The following EVL variants were observed in gnomAD, a reference collection of about 807,000 sequenced individuals.
EVL encodes Enah/Vasp-like.
Under a neutral mutation model 59.6 loss-of-function variants are expected in EVL, and 21 were observed. That is an observed-to-expected ratio of 0.35 (90% CI 0.25 to 0.51). EVL has a LOEUF of 0.51. Among genes scored for constraint, EVL ranks in the 20% least tolerant of loss-of-function variants. The pLI is 0.97. For synonymous variants in EVL, 198 were observed against 203.5 expected (o/e 0.97, Z 0.23); for missense variants, 462 against 546.6 (o/e 0.85, Z 1.54).
chr14:99,984,774 C>T (rs889063524), intron 1 of EVL, among the ~76,000 whole-genome samples: 6 of 151,982 alleles, frequency 3.9e-5, no homozygotes, highest in South Asian at 2.1e-4. Context: ...TCACCACACC[C>T]GGCTAATTTT....
rs61309441 is a variant in EVL, at chr14:100,038,771, G to GGTGT, written c.6-45885_6-45882dup. ...TAGTACCCTGTGTGCTGTGCCCTGG[G>GGTGT]GTGTGTGTGTGTGTGTGTGTGTGTG... On this transcript the variant is annotated intron_variant, in intron 1 of 13. Coordinates refer to the EVL transcript ENST00000402714. 8.5e-3 allele frequency among the ~76,000 whole-genome samples: 1,205 copies of GGTGT among 140,996 alleles called. 22 individuals carry two copies. The highest frequency in any genetic ancestry group is 0.026 in the African/African-American group (989 of 38,446). The allele number at this position is 140,996 out of a possible 152,430, so 92.5% of individuals were successfully genotyped here.
chr14:100,026,489 A>G (rs2061215448), intron 1 of EVL, among the ~76,000 whole-genome samples: 1 of 152,082 alleles, frequency 6.6e-6, no homozygotes, highest in Non-Finnish European at 1.5e-5. Context: ...CCAACCTTTC[A>G]GTCTTTCCTG....
chr14:100,100,129 G>A (rs1886112627), intron 3 of EVL, among the ~76,000 whole-genome samples: 1 of 151,776 alleles, frequency 6.6e-6, no homozygotes, highest in South Asian at 2.1e-4. Context: ...TTTCAGATAA[G>A]AAAGCCATGC....
chr14:100,054,265 G>A (rs184248855), intron 1 of EVL, among the ~76,000 whole-genome samples: 10 of 151,548 alleles, frequency 6.6e-5, no homozygotes, highest in African/African-American at 2.4e-4. Context: ...ATGTTGGCCA[G>A]GATGGTCTCG....
chr14:100,091,548 G>A (rs985169433), intron 2 of EVL, among the ~76,000 whole-genome samples: 1 of 152,208 alleles, frequency 6.6e-6, no homozygotes, highest in Non-Finnish European at 1.5e-5. Flanking sequence ...TGGAGGGGGG[G>A]CAGGCCTAGG....
intron 1 of EVL, among the ~76,000 whole-genome samples, chr14:100,043,997 G>A (rs892169443): frequency 3.3e-5 from 5 of 152,048 alleles, no homozygotes; most frequent in African/African-American, 1.2e-4. Context: ...CGATAGACCC[G>A]CCCACATTGA....
intron 3 of EVL, among the ~76,000 whole-genome samples, chr14:100,103,100 C>CAA (rs59534389): frequency 1.1e-4 from 10 of 94,476 alleles, no homozygotes; most frequent in Non-Finnish European, 1.8e-4. Flanking sequence ...GACTCCGTCT[C>CAA]AAAAAAAAAA....
At chr14:100,111,340 A>G (rs1432570238) in intron 3 of EVL, among the ~76,000 whole-genome samples, 1 of 151,838 alleles carries the variant, frequency 6.6e-6, no homozygotes, top group African/African-American at 2.4e-5. Context: ...TATTTTTAGT[A>G]GAGACAGGGT....
At chr14:100,124,537 C>T (rs183442193) in intron 4 of EVL, among the ~76,000 whole-genome samples, 2 of 152,326 alleles carry the variant, frequency 1.3e-5, no homozygotes, top group Admixed American at 1.3e-4. Context: ...GCTTTTCTTA[C>T]TGTTGTCCCC....
chr14:100,065,054 T>C (rs147714339), upstream of EVL, among the ~76,000 whole-genome samples: 95 of 152,326 alleles, frequency 6.2e-4, no homozygotes, highest in Admixed American at 1.5e-3. Flanking sequence ...GCCTGCACTT[T>C]CTATAACAGA....
chr14:100,046,381 A>G (rs2140240178), intron 1 of EVL, among the ~76,000 whole-genome samples: 1 of 152,320 alleles, frequency 6.6e-6, no homozygotes, highest in South Asian at 2.1e-4. Flanking sequence ...AATTTTGACA[A>G]ATAGACCAGG....
At chr14:100,004,603 T>C (rs1055310721) in intron 1 of EVL, among the ~76,000 whole-genome samples, 1 of 152,212 alleles carries the variant, frequency 6.6e-6, no homozygotes, top group Non-Finnish European at 1.5e-5. Context: ...ACACCATTCA[T>C]GACATGCTTG....
chr14:100,134,574 G>A (rs1200434228), intron 8 of EVL: 2 of 152,246 alleles, frequency 1.3e-5, no homozygotes, highest in Non-Finnish European at 2.9e-5. Context: ...CCACACAAGT[G>A]CAGTGGGAGG....
intron 1 of EVL, among the ~76,000 whole-genome samples, chr14:100,070,301 G>A (rs974740187): frequency 6.6e-6 from 1 of 152,092 alleles, no homozygotes; most frequent in Admixed American, 6.5e-5. Context: ...ACAAAGTATC[G>A]TATTCCAGGT....
Position 100,141,586 on chromosome 14 carries a change from C to T in EVL, c.1162-150C>T, listed in dbSNP as rs912472344. The T allele has an allele frequency of 3.5e-5, 24 of 685,820 alleles. No homozygotes were observed. The East Asian group carries it at 4.2e-4, about 12-fold the overall frequency. The allele number at this position is 685,820 out of a possible 1,614,324, so 42.5% of individuals were successfully genotyped here. On this transcript the variant is annotated intron_variant, in intron 12 of 13. Coordinates refer to ENST00000392920, the MANE Select transcript of EVL (RefSeq NM_016337.3). ...GGCCTCCCATGCCGTCCCCCCTCAG[C>T]GTGGGAAGGGGGCCACGAGGAGACA... is the stretch of plus-strand genomic sequence containing the variant.
chr14:100,097,309 G>C (rs1885882608), intron 2 of EVL, among the ~76,000 whole-genome samples, 172 bp from the exon 3 acceptor site: 1 of 152,090 alleles, frequency 6.6e-6, no homozygotes, highest in African/African-American at 2.4e-5. Context: ...AACCCTCACT[G>C]TTCTATAGAT....
chr14:100,115,681 A>T (rs1363577403), intron 3 of EVL, among the ~76,000 whole-genome samples: 1 of 152,186 alleles, frequency 6.6e-6, no homozygotes, highest in Non-Finnish European at 1.5e-5. Flanking sequence ...GCAGGATTTC[A>T]GTGGGTCAGT....
rs1395974531 is a variant in EVL at position 100,114,172 on chromosome 14, G to GA, written c.359-9367_359-9366insA. On this transcript the variant is annotated intron_variant, in intron 3 of 13. Coordinates refer to ENST00000392920, the MANE Select transcript of EVL (RefSeq NM_016337.3). This position sits in a 1 kb window ranked among gnomAD's most constrained non-coding sequence, Gnocchi z 5.0. ...CAAGGAGCGAAGCGAAGGAGGGCCG[G>GA]GGGGGAATCAAATGAGCCTTACTTC... 6.6e-6 allele frequency among the ~76,000 whole-genome samples: 1 copy of GA among 151,728 alleles called. No homozygotes were observed. The highest frequency in any genetic ancestry group is 1.5e-5 in the Non-Finnish European group (1 of 67,936).
intron 1 of EVL, among the ~76,000 whole-genome samples, chr14:100,052,376 G>A (rs1184471011): frequency 1.3e-5 from 2 of 152,126 alleles, no homozygotes; most frequent in African/African-American, 4.8e-5. Context: ...ATGCATGCAT[G>A]CCATATATAA....
Sources: allele counts gnomAD v4.1 joint callset (sites outside exome capture counted in the v4.1 genomes callset), GRCh38; gene constraint gnomAD v4.1.1; non-coding constraint Gnocchi (gnomAD v3.1); transcripts MANE v1.5; gene names NCBI Gene and HGNC (gene_info 2026-07-23, HGNC 2026-07-21).